SHROOM2: variants seen among roughly 807,000 people sequenced by gnomAD.
SHROOM2 encodes shroom family member 2.
SHROOM2 carries 33 observed loss-of-function variants against 75.9 expected under a neutral mutation model. The ratio of observed to expected loss-of-function variants is 0.43; its 90% CI spans 0.33 to 0.58. SHROOM2 has a LOEUF of 0.58. Ranked by LOEUF, SHROOM2 falls within the 20% of genes least tolerant of loss-of-function variation. The probability of loss-of-function intolerance (pLI) is 0.04; values close to 1 mark genes in which losing one functional copy is unlikely to be tolerated. For missense variants in SHROOM2, 1,434 were observed against 1,461.2 expected, an observed-to-expected ratio of 0.98 and a Z score of 0.30; for synonymous variants, 655 against 663.6, an observed-to-expected ratio of 0.99 and a Z score of 0.20.
intron 1 of SHROOM2, among the ~76,000 whole-genome samples, chrX:9,801,079 G>A (rs2083721847): frequency 9.0e-6 from 1 of 111,665 alleles, no homozygotes; most frequent in African/African-American, 3.3e-5. Context: ...ATGTGGCTGG[G>A]GAGGCCTCAC....
chrX:9,822,088 C>A (rs915260980), intron 1 of SHROOM2, among the ~76,000 whole-genome samples: 28 of 112,456 alleles, frequency 2.5e-4, no homozygotes, highest in African/African-American at 8.7e-4. Context: ...GCCCTGAATT[C>A]GTGTCACAGG....
chrX:9,900,334 A>T (rs912936344), intron 5 of SHROOM2, among the ~76,000 whole-genome samples: 2 of 111,744 alleles, frequency 1.8e-5, no homozygotes, highest in Admixed American at 1.9e-4. Context: ...AAAAATTTCA[A>T]TGGAGAATAA....
chrX:9,907,050 G>T (rs1020890285), intron 5 of SHROOM2, among the ~76,000 whole-genome samples: 15 of 110,829 alleles, frequency 1.4e-4, no homozygotes, highest in Non-Finnish European at 1.9e-4. Context: ...GGGGCAGGGG[G>T]GAGGCGGGCA....
At chrX:9,898,166 G>A in intron 4 of SHROOM2, 24 bp from the exon 5 acceptor site, 1 of 1,131,853 alleles carries the variant, frequency 8.8e-7, no homozygotes, top group Non-Finnish European at 1.2e-6. Flanking sequence ...AGGACTTGGT[G>A]TCTCATTATG....
At position 9,937,127 on chromosome X, in the gene SHROOM2, C is replaced by A; in HGVS notation, c.3588-7C>A. On this transcript the variant is annotated splice_polypyrimidine_tract_variant and splice_region_variant and intron_variant, in intron 6 of 9. Transcript: ENST00000380913. ...TTTGCGATTTCAGCAGACTGTTCAT[C>A]TTCCAGAATTGAGCGGGTGATGGAC... is the stretch of plus-strand genomic sequence containing the variant. 8.5e-7 allele frequency: 1 copy of A among 1,182,454 alleles called. No homozygotes were observed. Among genetic ancestry groups the A allele is most frequent in the East Asian group, 3.1e-5 (1 of 32,600 alleles).
chrX:9,803,251 C>T (rs2083734135), intron 1 of SHROOM2, among the ~76,000 whole-genome samples: 1 of 110,380 alleles, frequency 9.1e-6, no homozygotes, highest in Non-Finnish European at 1.9e-5. Context: ...CATCCCAGCT[C>T]TTTCTCCCTC....
At chrX:9,906,748 A>G (rs979253917) in intron 5 of SHROOM2, among the ~76,000 whole-genome samples, 68 of 112,752 alleles carry the variant, frequency 6.0e-4, no homozygotes, top group Non-Finnish European at 9.4e-4. Flanking sequence ...AGATCGTGCC[A>G]TTGCACTCCA....
chrX:9,918,717 GGGCCTCAA>G (rs3216375), intron 5 of SHROOM2, among the ~76,000 whole-genome samples: 8,581 of 111,050 alleles, frequency 0.077, 506 homozygotes, highest in African/African-American at 0.2. Context: ...CTCAAACTCC[GGGCCTCAA>G]GCAGTCCTCC....
intron 2 of SHROOM2, among the ~76,000 whole-genome samples, chrX:9,878,671 A>C (rs1039633496): frequency 2.7e-5 from 3 of 111,323 alleles, no homozygotes; most frequent in Non-Finnish European, 5.7e-5. Context: ...GGGAGCTGCT[A>C]CTCGCAACGG....
intron 1 of SHROOM2, among the ~76,000 whole-genome samples, chrX:9,789,644 T>G (rs1041888556): frequency 6.3e-5 from 7 of 111,275 alleles, no homozygotes; most frequent in African/African-American, 2.3e-4. Context: ...TAGAGTGGCT[T>G]GAATTCCACA....
At chrX:9,917,501 CTTT>C (rs2084500820) in intron 5 of SHROOM2, among the ~76,000 whole-genome samples, 1 of 89,739 alleles carries the variant, frequency 1.1e-5, no homozygotes, top group Admixed American at 1.2e-4. Flanking sequence ...TATTGTGGTT[CTTT>C]GTTGTTGTTG....
At chrX:9,910,009 C>T (rs1276009482) in intron 5 of SHROOM2, among the ~76,000 whole-genome samples, 1 of 110,341 alleles carries the variant, frequency 9.1e-6, no homozygotes, top group Non-Finnish European at 1.9e-5. Flanking sequence ...TAATCCCATT[C>T]GCAAGAGCTC....
rs938137545 is a variant in SHROOM2, at chrX:9,948,718, A to C, written c.*1781A>C. On this transcript the variant is annotated 3_prime_UTR_variant, in exon 10 of 10. Coordinates refer to ENST00000380913, the MANE Select transcript of SHROOM2 (RefSeq NM_001649.4). The stretch of plus-strand genomic sequence containing the variant: ...CCAAAAGGATAAATGTCTTTCCAAA[A>C]GTGTGTATTCCTGTTAAATTAAGCT... 1 of 113,068 alleles carries C rather than the reference A, an allele frequency of 8.8e-6. No homozygotes were observed. Among genetic ancestry groups the C allele is most frequent in the Non-Finnish European group, 1.9e-5 (1 of 53,494 alleles). 9.3% of individuals were successfully genotyped at this position (113,068 alleles called of 1,213,427 possible). A position where few individuals can be genotyped will look rare whatever the true frequency, so the allele number is the denominator to read the frequency against.
intron 1 of SHROOM2, among the ~76,000 whole-genome samples, chrX:9,863,613 T>G (rs774162804): frequency 1.3e-4 from 14 of 104,475 alleles, no homozygotes; most frequent in South Asian, 4.4e-4. Flanking sequence ...TATTTTTTTT[T>G]GGGGGGGGTG....
At chrX:9,852,398 C>G (rs1410789175) in intron 1 of SHROOM2, among the ~76,000 whole-genome samples, 1 of 112,608 alleles carries the variant, frequency 8.9e-6, no homozygotes, top group Non-Finnish European at 1.9e-5. Flanking sequence ...TGGGATTAGT[C>G]TAGCTCCTTG....
In SHROOM2 at chrX:9,893,275, T is replaced by A. The variant is rs760551114; in HGVS notation, c.450-1083T>A. Among the ~76,000 whole-genome samples the A allele has an allele frequency of 3.6e-5, 4 of 111,306 alleles. No homozygotes were observed. In the South Asian group the frequency reaches 1.1e-3, roughly 32 times the overall value. On this transcript the variant is annotated intron_variant, in intron 3 of 9. Transcript: ENST00000380913. ...GCACCACCACATCCAGCTAATTTTT[T>A]AAAAAGTTTTTATAGAGATGGGGGT... is the stretch of plus-strand genomic sequence containing the variant.
At chrX:9,849,443 C>T in intron 1 of SHROOM2, among the ~76,000 whole-genome samples, 1 of 112,111 alleles carries the variant, frequency 8.9e-6, no homozygotes, top group South Asian at 3.7e-4. Flanking sequence ...AGGGCTGCAG[C>T]TTCCCTATGG....
At chrX:9,883,492 T>C (rs754702629) in intron 2 of SHROOM2, among the ~76,000 whole-genome samples, 55 of 111,517 alleles carry the variant, frequency 4.9e-4, no homozygotes, top group African/African-American at 1.7e-3. Flanking sequence ...CCAGACTTCC[T>C]TGGTCTTGGG....
At chrX:9,837,465 C>T (rs1825738546) in intron 1 of SHROOM2, among the ~76,000 whole-genome samples, 1 of 112,481 alleles carries the variant, frequency 8.9e-6, no homozygotes, top group Non-Finnish European at 1.9e-5. Flanking sequence ...GCATGTTCTC[C>T]ATGTGGTTCT....
Sources: gnomAD v4.1 joint callset for allele counts (sites outside exome capture counted in the v4.1 genomes callset) on GRCh38, gnomAD v4.1.1 for gene constraint, MANE v1.5 for transcripts, NCBI Gene and HGNC (gene_info 2026-07-23, HGNC 2026-07-21) for gene names.